SLC22A12: variants seen among roughly 807,000 people sequenced by gnomAD.
SLC22A12 encodes the protein solute carrier family 22 member 12.
In SLC22A12, 56 loss-of-function variants were observed where a neutral mutation model predicts 52.7. The observed-to-expected ratio is 1.06, with a 90% confidence interval of 0.86 to 1.33. The LOEUF is 1.33. Ranked by LOEUF, SLC22A12 falls within the 40% of genes most tolerant of loss-of-function variation. The pLI is 0.00. For synonymous variants in SLC22A12, 337 were observed against 324.6 expected (o/e 1.04, Z -0.41); for missense variants, 683 against 741.5 (o/e 0.92, Z 0.92).
Position 64,591,349 on chromosome 11 carries a change from C to A in SLC22A12, c.-208C>A, listed in dbSNP as rs2038910805. On this transcript the variant is annotated 5_prime_UTR_variant, in exon 1 of 10. Transcript: ENST00000377574. ...GGAATCACCTCACGCGGCCTCAGGG[C>A]CCAGTTGGAGCCACCCCAAGTGACA... 1.5e-6 allele frequency: 1 copy of A among 647,826 alleles called. No homozygotes were observed. The highest frequency in any genetic ancestry group is 2.6e-6 in the Non-Finnish European group (1 of 382,906). The allele number at this position is 647,826 out of a possible 1,614,324, so 40.1% of individuals were successfully genotyped here. A position where few individuals can be genotyped will look rare whatever the true frequency, so the allele number is the denominator to read the frequency against.
At chr11:64,599,071 GA>G in intron 6 of SLC22A12, 148 bp downstream of exon 6, 2 of 1,246,160 alleles carry the variant, frequency 1.6e-6, no homozygotes, top group Admixed American at 2.0e-5. Flanking sequence ...CTCCCGACAG[GA>G]GACAACCCAG....
Position 64,601,581 on chromosome 11 carries a change from A to G in SLC22A12, c.*30A>G, listed in dbSNP as rs376221325. On this transcript the variant is annotated 3_prime_UTR_variant, in exon 10 of 10. Transcript: ENST00000377574. Reference sequence around the variant, plus strand: ...CTGGGGAACCTGCGATGGGACGGTCAGAGGAAGAGACTTCTTCTGTTCTCT... The same window carrying G: ...CTGGGGAACCTGCGATGGGACGGTCGGAGGAAGAGACTTCTTCTGTTCTCT... The G allele has an allele frequency of 6.2e-7, 1 of 1,610,768 alleles. No homozygotes were observed. The highest frequency in any genetic ancestry group is 1.7e-5 in the Admixed American group (1 of 59,902).
intron 1 of SLC22A12, 46 bp from the exon 2 acceptor site, chr11:64,592,733 G>A (rs759681978): frequency 3.3e-6 from 5 of 1,522,824 alleles, no homozygotes; most frequent in Non-Finnish European, 4.6e-6. Context: ...CCTCTCTGCT[G>A]GGGCTCTCCC....
chr11:64,600,699 C>T, intron 8 of SLC22A12, 36 bp from the exon 9 acceptor site: 3 of 1,601,772 alleles, frequency 1.9e-6, no homozygotes, highest in Non-Finnish European at 2.5e-6. Context: ...TGTGGGCACA[C>T]AGACCAGGCG....
Position 64,601,671 on chromosome 11 carries a change from C to T in SLC22A12, c.*120C>T. On this transcript the variant is annotated 3_prime_UTR_variant, in exon 10 of 10. Coordinates refer to ENST00000377574, the MANE Select transcript of SLC22A12 (RefSeq NM_144585.4). ...GGCCCAGAGGCTGCCCTCTGAGGTC[C>T]CCACTCTCCCCCAGGGCTGCCCCTC... 2.7e-6 allele frequency: 3 copies of T among 1,094,716 alleles called. No homozygotes were observed. Among genetic ancestry groups the T allele is most frequent in the Admixed American group, 2.0e-5 (1 of 50,186 alleles). 67.8% of individuals were successfully genotyped at this position (1,094,716 alleles called of 1,614,324 possible). A position where few individuals can be genotyped will look rare whatever the true frequency, so the allele number is the denominator to read the frequency against.
At chr11:64,592,039 C>T in intron 1 of SLC22A12, 81 bp downstream of exon 1, 1 of 1,555,632 alleles carries the variant, frequency 6.4e-7, no homozygotes, top group Non-Finnish European at 8.6e-7. Context: ...CTCAAAGGTC[C>T]AGTCCTGGGA....
chr11:64,600,390 T>C lies in SLC22A12; in HGVS notation c.1309T>C (p.Leu437=), dbSNP rs7932775. 0.23 allele frequency: 364,485 copies of C among 1,605,460 alleles called. 49,700 individuals carry two copies. Among genetic ancestry groups the C allele is most frequent in the African/African-American group, 0.61 (45,762 of 74,960 alleles). ...AGAAATGGGGGCTCTGCGCTCAGCC[T>C]TGGCCGTGCTGGGGCTGGGCGGGGT... The part of the protein sequence containing the change: ...PHEMGALRSA[L]AVLGLGGVGA... The change falls in exon 8 of 10, where the codon TTG becomes CTG. Residue 437 remains leucine, a synonymous_variant. Coordinates refer to ENST00000377574, the MANE Select transcript of SLC22A12 (RefSeq NM_144585.4).
rs71581765 is a variant in SLC22A12, at chr11:64,600,671, G to A, written c.1395-64G>A. 94 of 1,596,298 alleles carry A rather than the reference G, an allele frequency of 5.9e-5. 1 individual carries two copies. In the Middle Eastern group the frequency reaches 9.4e-4, roughly 16 times the overall value. On this transcript the variant is annotated intron_variant, in intron 8 of 9. Coordinates refer to ENST00000377574, the MANE Select transcript of SLC22A12 (RefSeq NM_144585.4). ...TCCCTGGGCCAAGCGGGCCTGGCCC[G>A]GCGTGCAGGATCAAGGCTGTGGGCA...
chr11:64,597,393 A>G (rs1467497240), intron 4 of SLC22A12, among the ~76,000 whole-genome samples: 1 of 152,012 alleles, frequency 6.6e-6, no homozygotes, highest in African/African-American at 2.4e-5. Context: ...TGCCCACGTG[A>G]CGGTTCCATT....
In SLC22A12 at chr11:64,593,641, A is replaced by G. The variant is rs1373375877; in HGVS notation, c.668A>G (p.Glu223Gly). 10 of 1,614,048 alleles carry G rather than the reference A, an allele frequency of 6.2e-6. No homozygotes were observed. Among genetic ancestry groups the G allele is most frequent in the East Asian group, 2.2e-5 (1 of 44,900 alleles). Reference sequence around the variant, plus strand: ...CCACTCGGTCTCCTTGCAGTGATGGAGTGGACGGCGGCACGGGCCCGACCC... The same window carrying G: ...CCACTCGGTCTCCTTGCAGTGATGGGGTGGACGGCGGCACGGGCCCGACCC... ...VMMNTGTLLMEWTAARARPLV... is the reference protein window; with the variant it reads ...VMMNTGTLLMGWTAARARPLV... Residue 223 changes from glutamate to glycine, a missense_variant, in exon 4 of 10, where the codon GAG becomes GGG. Transcript: ENST00000377574.
At chr11:64,597,387 C>A (rs889458830) in intron 4 of SLC22A12, among the ~76,000 whole-genome samples, 1 of 152,136 alleles carries the variant, frequency 6.6e-6, no homozygotes, top group African/African-American at 2.4e-5. Context: ...TCCAACTGCC[C>A]ACGTGACGGT....
chr11:64,595,670 TAATAGATGGATGGATGGATGGTTGG>T (rs2135454462), intron 4 of SLC22A12, among the ~76,000 whole-genome samples: 1 of 112,694 alleles, frequency 8.9e-6, no homozygotes, highest in East Asian at 2.7e-4. Context: ...TGGATGGTTG[TAATAGATGGATGGATGGATGGTTGG>T]AATAGATGGA....
In SLC22A12 at chr11:64,598,850, C is replaced by A. The variant is rs780014931; in HGVS notation, c.997C>A (p.Pro333Thr). 6.2e-7 allele frequency: 1 copy of A among 1,612,784 alleles called. No individual in the cohort carries two copies. Among genetic ancestry groups the A allele is most frequent in the East Asian group, 2.2e-5 (1 of 44,876 alleles). ...AMREELSMGQ[P>T]PASLGTLLRM... Reference sequence around the variant, plus strand: ...GCGGGAGGAGCTGAGCATGGGCCAGCCTCCTGCCAGCCTGGGCACCCTGCT... The same window carrying A: ...GCGGGAGGAGCTGAGCATGGGCCAGACTCCTGCCAGCCTGGGCACCCTGCT... The change falls in exon 6 of 10, where the codon CCT becomes ACT. Residue 333 changes from proline (P) to threonine (T), a missense_variant. Coordinates refer to ENST00000377574, the MANE Select transcript of SLC22A12 (RefSeq NM_144585.4).
chr11:64,599,609 T>TCCCCC, intron 6 of SLC22A12, 67 bp from the exon 7 acceptor site: 15 of 221,466 alleles, frequency 6.8e-5, no homozygotes, highest in South Asian at 2.0e-4. Flanking sequence ...CGCCCATTGT[T>TCCCCC]CCCACCCTGC....
chr11:64,592,292 A>G (rs1161764783), intron 1 of SLC22A12, among the ~76,000 whole-genome samples: 2 of 152,182 alleles, frequency 1.3e-5, no homozygotes, highest in Admixed American at 1.3e-4. Flanking sequence ...AGGGGGACTC[A>G]GTGACAATTC....
rs745807623 is a variant in SLC22A12, at chr11:64,598,844, G to A, written c.991G>A (p.Gly331Ser). The change falls in exon 6 of 10, where the codon GGC (glycine) becomes AGC (serine). Residue 331 changes from glycine to serine, a missense_variant. Coordinates refer to ENST00000377574, the MANE Select transcript of SLC22A12 (RefSeq NM_144585.4). ...LSAMREELSM[G>S]QPPASLGTLL... ...AGCCATGCGGGAGGAGCTGAGCATG[G>A]GCCAGCCTCCTGCCAGCCTGGGCAC... 1.2e-6 allele frequency: 2 copies of A among 1,612,672 alleles called. No homozygotes were observed. The highest frequency in any genetic ancestry group is 2.2e-5 in the South Asian group (2 of 91,082).
In SLC22A12 at chr11:64,600,410, C is replaced by T. The variant is rs61743169; in HGVS notation, c.1329C>T (p.Gly443=). The T allele has an allele frequency of 6.1e-4, 978 of 1,605,816 alleles. 1 individual carries two copies. The highest frequency in any genetic ancestry group is 8.3e-4 in the Middle Eastern group (5 of 6,038). Residue 443 remains glycine, a synonymous_variant, in exon 8 of 10, where the codon GGC becomes GGT. Coordinates refer to ENST00000377574, the MANE Select transcript of SLC22A12 (RefSeq NM_144585.4). ...LRSALAVLGL[G]GVGAAFTCIT... ...CAGCCTTGGCCGTGCTGGGGCTGGG[C>T]GGGGTGGGGGCTGCCTTCACCTGCA... is the stretch of plus-strand genomic sequence containing the variant.
At chr11:64,599,998 G>A (rs1591403194) in intron 7 of SLC22A12, 108 bp downstream of exon 7, 2 of 1,379,636 alleles carry the variant, frequency 1.4e-6, no homozygotes, top group Non-Finnish European at 1.0e-6. Flanking sequence ...TACCCTGGTA[G>A]GAAGGAGGCT....
At position 64,602,301 on chromosome 11, in the gene SLC22A12, C is replaced by T. The variant is rs564758532; in HGVS notation, c.*750C>T. 1 of 154,566 alleles carries T rather than the reference C, an allele frequency of 6.5e-6. No individual in the cohort carries two copies. Among genetic ancestry groups the T allele is most frequent in the South Asian group, 2.0e-4 (1 of 4,910 alleles). 9.6% of individuals were successfully genotyped at this position (154,566 alleles called of 1,614,324 possible). ...CCCAGCTCCCCACACAGCGCTGGGC[C>T]AGAGAGGCATTGGTGCGAGGGATTG... is the stretch of plus-strand genomic sequence containing the variant. On this transcript the variant is annotated 3_prime_UTR_variant, in exon 10 of 10. Transcript: ENST00000377574.
Sources: gnomAD v4.1 joint callset for allele counts (sites outside exome capture counted in the v4.1 genomes callset) on GRCh38, gnomAD v4.1.1 for gene constraint, MANE v1.5 for transcripts, NCBI Gene and HGNC (gene_info 2026-07-23, HGNC 2026-07-21) for gene names.